The following LAMA4 variants were observed in gnomAD, a reference collection of about 807,000 sequenced individuals.
LAMA4 encodes the protein laminin subunit alpha-4.
A neutral mutation model predicts 207.1 loss-of-function variants in LAMA4; 127 were observed. That is an observed-to-expected ratio of 0.61 (90% confidence interval 0.53 to 0.71). The LOEUF (loss-of-function observed/expected upper bound fraction) is 0.71, where lower values mean the gene tolerates loss of function less well. LAMA4 is among the 30% of genes least tolerant of loss of function. The pLI, the probability that LAMA4 is intolerant of heterozygous loss-of-function variation, is 0.00. For synonymous variants in LAMA4, 761 were observed against 816.0 expected, an observed-to-expected ratio of 0.93 and a Z score of 1.15; for missense variants, 2,093 against 2,246.5, an observed-to-expected ratio of 0.93 and a Z score of 1.38.
chr6:112,116,521 G>A (rs1416754108), intron 35 of LAMA4, among the ~76,000 whole-genome samples: 1 of 152,112 alleles, frequency 6.6e-6, no homozygotes, highest in Non-Finnish European at 1.5e-5. Context: ...TGTCTTGATC[G>A]GACCTGTATT....
chr6:112,115,315 T>C (rs587725683), intron 36 of LAMA4, among the ~76,000 whole-genome samples: 1 of 137,906 alleles, frequency 7.3e-6, no homozygotes, highest in East Asian at 1.9e-4. Flanking sequence ...AAAAATCTGT[T>C]ATGTTAAGTT....
chr6:112,154,234 T>C (rs1206137484), intron 16 of LAMA4, among the ~76,000 whole-genome samples: 1 of 151,696 alleles, frequency 6.6e-6, no homozygotes, highest in African/African-American at 2.4e-5. Context: ...TATTTTTCCT[T>C]CCCTCCCTCA....
chr6:112,235,294 A>G (rs1785838008), intron 2 of LAMA4, among the ~76,000 whole-genome samples: 1 of 152,200 alleles, frequency 6.6e-6, no homozygotes, highest in Admixed American at 6.5e-5. Flanking sequence ...GGGAATTGGC[A>G]GATTTTCTCG....
chr6:112,140,122 T>C (rs934056845), intron 22 of LAMA4, among the ~76,000 whole-genome samples: 1 of 152,232 alleles, frequency 6.6e-6, no homozygotes, highest in Admixed American at 6.5e-5. Flanking sequence ...GGTCATAGGC[T>C]GTACAGTGAA....
intron 2 of LAMA4, among the ~76,000 whole-genome samples, chr6:112,229,479 A>G (rs1004142591): frequency 1.3e-5 from 2 of 152,218 alleles, no homozygotes; most frequent in African/African-American, 4.8e-5. Context: ...CTCTTGCAAG[A>G]TAATTGTTCT....
chr6:112,206,445 T>C (rs1179927709), intron 4 of LAMA4, among the ~76,000 whole-genome samples: 1 of 152,222 alleles, frequency 6.6e-6, no homozygotes, highest in Non-Finnish European at 1.5e-5. Flanking sequence ...ACTTAATTAC[T>C]GGATTTACAC....
At position 112,120,424 on chromosome 6, in the gene LAMA4, G is replaced by T; in HGVS notation, c.4524C>A (p.Ile1508=). ...TCTCTTCTTGATCTGAGACATAGAA[G>T]ATCATGCCATGGGAGGAACGAGTTC... The part of the protein sequence containing the change: ...RLRTRSSHGM[I]FYVSDQEEND... The change falls in exon 33 of 39, where the codon ATC becomes ATA. Residue 1508 remains isoleucine, a synonymous_variant. Coordinates refer to ENST00000230538, the MANE Select transcript of LAMA4 (RefSeq NM_001105206.3). 1 of 1,613,960 alleles carries T rather than the reference G, an allele frequency of 6.2e-7. No individual in the cohort carries two copies. The highest frequency in any genetic ancestry group is 1.7e-4 in the Middle Eastern group (1 of 6,060).
chr6:112,248,570 A>T (rs1554189100), intron 2 of LAMA4, among the ~76,000 whole-genome samples: 1 of 152,080 alleles, frequency 6.6e-6, no homozygotes, highest in African/African-American at 2.4e-5. Flanking sequence ...AAAAGAAAAG[A>T]CTTCCTCTGG....
intron 19 of LAMA4, 75 bp downstream of exon 19, chr6:112,144,719 G>T: frequency 6.5e-7 from 1 of 1,540,990 alleles, no homozygotes. Context: ...GGCTCTGGAA[G>T]CTGCCCAAGC....
chr6:112,145,933 T>G (rs1215993049), intron 18 of LAMA4, among the ~76,000 whole-genome samples: 1 of 152,126 alleles, frequency 6.6e-6, no homozygotes, highest in Non-Finnish European at 1.5e-5. Context: ...GTAGGAAGAT[T>G]GTTTTCCACC....
intron 13 of LAMA4, among the ~76,000 whole-genome samples, chr6:112,163,500 C>G (rs375308213): frequency 6.6e-6 from 1 of 152,000 alleles, no homozygotes; most frequent in African/African-American, 2.4e-5. Context: ...ACCAGAGCAG[C>G]CAGGACAAGG....
chr6:112,172,532 A>G (rs947577078), intron 12 of LAMA4, 79 bp downstream of exon 12: 22 of 1,393,016 alleles, frequency 1.6e-5, no homozygotes, highest in Non-Finnish European at 2.0e-5. Context: ...TTTTAAAAAA[A>G]TTTATATCAA....
rs781876385 is a variant in LAMA4 at position 112,128,916 on chromosome 6, T to C, written c.4287+6A>G. The C allele has an allele frequency of 6.2e-7, 1 of 1,611,654 alleles. No individual in the cohort carries two copies. The highest frequency in any genetic ancestry group is 8.5e-7 in the Non-Finnish European group (1 of 1,178,070). ...ATTAGGAAGTCAGAACGGCATTATC[T>C]TTTACCTTTTTATTCTGACTTGCTT... On this transcript the variant is annotated splice_donor_region_variant and intron_variant, in intron 31 of 38. Transcript: ENST00000230538.
chr6:112,214,086 C>A (rs1554357794), intron 3 of LAMA4: 1 of 732,594 alleles, frequency 1.4e-6, no homozygotes, highest in Non-Finnish European at 2.5e-6. Context: ...ATAGCGGCAC[C>A]AAAGGAAACA....
intron 12 of LAMA4, among the ~76,000 whole-genome samples, chr6:112,171,293 C>A (rs180899724): frequency 6.6e-6 from 1 of 151,568 alleles, no homozygotes; most frequent in Non-Finnish European, 1.5e-5. Context: ...CAAGTTGCAG[C>A]GTCAAAAGCA....
chr6:112,195,254 T>A (rs1783345518), intron 5 of LAMA4, among the ~76,000 whole-genome samples: 1 of 152,128 alleles, frequency 6.6e-6, no homozygotes, highest in South Asian at 2.1e-4. Context: ...AAGAACTTGT[T>A]CCAAAGTAGG....
intron 4 of LAMA4, among the ~76,000 whole-genome samples, chr6:112,206,616 G>A (rs1226869265): frequency 2.0e-5 from 3 of 152,196 alleles, no homozygotes; most frequent in African/African-American, 7.2e-5. Flanking sequence ...AAAGCCATAT[G>A]TAGGGAAATG....
intron 9 of LAMA4, chr6:112,178,636 A>G (rs1196883020): frequency 8.6e-6 from 2 of 231,296 alleles, no homozygotes; most frequent in African/African-American, 4.6e-5. Flanking sequence ...CTGCGTCCTC[A>G]TAGCTTAGCT....
At chr6:112,121,812 A>G in intron 32 of LAMA4, 1 of 546,104 alleles carries the variant, frequency 1.8e-6, no homozygotes, top group Middle Eastern at 5.1e-4. Flanking sequence ...CTGTTTTATG[A>G]ACCTTACAAT....
Sources: gnomAD v4.1 joint callset for allele counts (sites outside exome capture counted in the v4.1 genomes callset) on GRCh38, gnomAD v4.1.1 for gene constraint, MANE v1.5 for transcripts, NCBI Gene and HGNC (gene_info 2026-07-23, HGNC 2026-07-21) for gene names.